The following CADM2 variants were observed in gnomAD, a reference collection of about 807,000 sequenced individuals.
CADM2 encodes the protein cell adhesion molecule 2, also known as immunoglobulin superfamily member 4D.
CADM2 carries 12 observed loss-of-function variants against 49.8 expected under a neutral mutation model. That is an observed-to-expected ratio of 0.24 (90% CI 0.15 to 0.39). The LOEUF is 0.39. Ranked by LOEUF, CADM2 falls within the 10% of genes least tolerant of loss-of-function variation. CADM2 has a pLI of 1.00. For missense variants in CADM2, 378 were observed against 492.3 expected (o/e 0.77, Z 2.20); for synonymous variants, 214 against 175.4 (o/e 1.22, Z -1.74).
chr3:85,922,997 AT>A (rs1159417623), intron 6 of CADM2, among the ~76,000 whole-genome samples: 2 of 151,332 alleles, frequency 1.3e-5, no homozygotes, highest in Admixed American at 6.6e-5. Context: ...AATTTTTTGT[AT>A]TTTTTTAGTA....
chr3:85,910,251 A>C (rs915121253), intron 5 of CADM2, among the ~76,000 whole-genome samples: 3 of 152,146 alleles, frequency 2.0e-5, no homozygotes, highest in African/African-American at 7.2e-5. Flanking sequence ...ACAATTATAA[A>C]AATTGTTTGT....
At chr3:85,015,098 C>T (rs569800513) in intron 1 of CADM2, among the ~76,000 whole-genome samples, 19 of 151,710 alleles carry the variant, frequency 1.3e-4, no homozygotes, top group South Asian at 6.3e-4. Context: ...TATACATACA[C>T]GTATACATAT....
intron 1 of CADM2, among the ~76,000 whole-genome samples, chr3:85,337,557 C>T (rs915067833): frequency 6.6e-6 from 1 of 151,388 alleles, no homozygotes; most frequent in Non-Finnish European, 1.5e-5. Flanking sequence ...GATTTCTGCT[C>T]GCAACTGAAC....
At chr3:85,594,816 ATAT>A in intron 1 of CADM2, among the ~76,000 whole-genome samples, 1 of 152,148 alleles carries the variant, frequency 6.6e-6, no homozygotes, top group Admixed American at 6.6e-5. Context: ...TGTATTTGAA[ATAT>A]TATAACCTGG....
chr3:85,967,554 C>T (rs1725623137), intron 8 of CADM2, among the ~76,000 whole-genome samples: 1 of 151,510 alleles, frequency 6.6e-6, no homozygotes, highest in South Asian at 2.1e-4. Flanking sequence ...TATAATAATA[C>T]ATCCCTAATC....
chr3:85,362,686 G>A (rs1046468841), intron 1 of CADM2, among the ~76,000 whole-genome samples: 1 of 152,000 alleles, frequency 6.6e-6, no homozygotes, highest in African/African-American at 2.4e-5. Flanking sequence ...TTCAACTTGT[G>A]CTCCCATTTA....
chr3:85,319,895 A>T, intron 1 of CADM2, among the ~76,000 whole-genome samples: 1 of 152,324 alleles, frequency 6.6e-6, no homozygotes, highest in African/African-American at 2.4e-5. Context: ...TCTATTTAAC[A>T]AACCTACACA....
intron 1 of CADM2, among the ~76,000 whole-genome samples, chr3:85,603,111 A>G (rs901307113): frequency 6.6e-6 from 1 of 151,806 alleles, no homozygotes; most frequent in African/African-American, 2.4e-5. Flanking sequence ...AATGTCAAGA[A>G]CAGCATTTTA....
intron 1 of CADM2, among the ~76,000 whole-genome samples, chr3:85,530,322 G>T (rs113642272): frequency 0.097 from 3,031 of 31,154 alleles, 568 homozygotes; most frequent in East Asian, 0.24. Context: ...TCTTTTCTCC[G>T]TTTTTTTTTT....
chr3:85,026,885 A>T (rs1212136435), intron 1 of CADM2, among the ~76,000 whole-genome samples: 1 of 151,990 alleles, frequency 6.6e-6, no homozygotes, highest in Non-Finnish European at 1.5e-5. Flanking sequence ...TAAAAATGCT[A>T]GTGTATATAC....
Position 85,815,877 on chromosome 3 carries a change from T to G in CADM2, c.238+13681T>G, listed in dbSNP as rs2073173388. 4.6e-5 allele frequency among the ~76,000 whole-genome samples: 7 copies of G among 152,162 alleles called. No homozygotes were observed. In the South Asian group the frequency reaches 1.4e-3, roughly 32 times the overall value. ...ATCTCAGCCTGAAATCTCCTTAAGC[T>G]GATAAGCAACTTTAGCAAAGTTCAG... On this transcript the variant is annotated intron_variant, in intron 3 of 9. Transcript: ENST00000383699.
At chr3:85,546,680 T>C (rs1168792604) in intron 1 of CADM2, among the ~76,000 whole-genome samples, 1 of 152,150 alleles carries the variant, frequency 6.6e-6, no homozygotes, top group Non-Finnish European at 1.5e-5. Context: ...GACATCAGAA[T>C]ACTAAGATGA....
intron 2 of CADM2, among the ~76,000 whole-genome samples, chr3:85,791,118 C>A (rs1002566532): frequency 6.6e-6 from 1 of 152,116 alleles, no homozygotes; most frequent in African/African-American, 2.4e-5. Flanking sequence ...TTTGAAAGAA[C>A]AGAGGGGCAT....
chr3:85,089,742 T>A (rs754148282), intron 1 of CADM2, among the ~76,000 whole-genome samples: 1 of 152,128 alleles, frequency 6.6e-6, no homozygotes, highest in Non-Finnish European at 1.5e-5. Context: ...AGCTTTGAGT[T>A]TGAATTTTTA....
intron 8 of CADM2, among the ~76,000 whole-genome samples, chr3:86,040,497 A>G (rs981240436): frequency 6.6e-6 from 1 of 152,208 alleles, no homozygotes; most frequent in Non-Finnish European, 1.5e-5. Context: ...CGGAAGATCA[A>G]ATGAATTAAA....
intron 1 of CADM2, among the ~76,000 whole-genome samples, chr3:85,169,972 T>C (rs2040575565): frequency 6.6e-6 from 1 of 152,206 alleles, no homozygotes; most frequent in Non-Finnish European, 1.5e-5. Flanking sequence ...TTTATCTCTT[T>C]GCCACAGAGA....
chr3:85,939,077 C>A lies in CADM2; in HGVS notation c.791+3220C>A, dbSNP rs567276648. Among the ~76,000 whole-genome samples, 17 of 152,048 alleles carry A rather than the reference C, an allele frequency of 1.1e-4. No homozygotes were observed. In the South Asian group the frequency reaches 3.5e-3, roughly 32 times the overall value. On this transcript the variant is annotated intron_variant, in intron 7 of 9. Coordinates refer to ENST00000383699, the MANE Select transcript of CADM2 (RefSeq NM_001167675.2). ...ATGGCATGGCTCAAGTTGCACTGAG[C>A]CTGGTGTTCCGAACCTGCCCTTCTT...
At chr3:85,700,508 C>A (rs1231868518) in intron 1 of CADM2, among the ~76,000 whole-genome samples, 1 of 152,126 alleles carries the variant, frequency 6.6e-6, no homozygotes, top group Non-Finnish European at 1.5e-5. Context: ...TATATAAGTT[C>A]TAGTTTTACT....
intron 3 of CADM2, among the ~76,000 whole-genome samples, chr3:85,802,822 A>G (rs2072136530): frequency 6.6e-6 from 1 of 152,130 alleles, no homozygotes; most frequent in African/African-American, 2.4e-5. Context: ...AATCCAAGCA[A>G]ACAACTAAAA....
Sources: gnomAD v4.1 joint callset for allele counts (sites outside exome capture counted in the v4.1 genomes callset) on GRCh38, gnomAD v4.1.1 for gene constraint, MANE v1.5 for transcripts, NCBI Gene and HGNC (gene_info 2026-07-23, HGNC 2026-07-21) for gene names.